CCSER1: variants seen among roughly 807,000 people sequenced by gnomAD.
CCSER1 encodes coiled-coil serine rich protein 1, also known as serine-rich coiled-coil domain-containing protein 1.
In CCSER1, 41 loss-of-function variants were observed where a neutral mutation model predicts 82.0. The observed-to-expected ratio is 0.50, with a 90% confidence interval of 0.39 to 0.65. CCSER1 has a LOEUF of 0.65. CCSER1 is among the 30% of genes least tolerant of loss of function. CCSER1 has a pLI of 0.00. For missense variants in CCSER1, 1,119 were observed against 1,064.2 expected, an observed-to-expected ratio of 1.05 and a Z score of -0.72; for synonymous variants, 414 against 383.9, an observed-to-expected ratio of 1.08 and a Z score of -0.92.
chr4:90,176,688 T>A (rs1475831247), intron 1 of CCSER1, among the ~76,000 whole-genome samples: 1 of 152,026 alleles, frequency 6.6e-6, no homozygotes, highest in Non-Finnish European at 1.5e-5. Context: ...CAAGTATTAT[T>A]GATAGTGTGA....
intron 8 of CCSER1, among the ~76,000 whole-genome samples, chr4:90,845,679 T>A (rs1036570928): frequency 1.1e-4 from 17 of 152,164 alleles, no homozygotes; most frequent in Non-Finnish European, 2.4e-4. Flanking sequence ...AATTCAGGAT[T>A]CATATTAAAT....
intron 8 of CCSER1, among the ~76,000 whole-genome samples, chr4:90,845,817 A>T (rs562458524): frequency 2.0e-5 from 3 of 152,186 alleles, no homozygotes; most frequent in African/African-American, 7.2e-5. Flanking sequence ...GAAAAAAAAA[A>T]AAACCAGATT....
At chr4:91,087,927 G>T (rs1186148815) in intron 10 of CCSER1, among the ~76,000 whole-genome samples, 1 of 152,118 alleles carries the variant, frequency 6.6e-6, no homozygotes, top group East Asian at 1.9e-4. Flanking sequence ...ACAATTAGGT[G>T]AAGTATGTTG....
At chr4:91,339,330 A>T (rs973852045) in intron 10 of CCSER1, among the ~76,000 whole-genome samples, 1 of 152,182 alleles carries the variant, frequency 6.6e-6, no homozygotes, top group Non-Finnish European at 1.5e-5. Flanking sequence ...ACATTAATAA[A>T]GTTGAAAGAT....
intron 10 of CCSER1, among the ~76,000 whole-genome samples, chr4:91,297,238 T>TA (rs34754865): frequency 1.3e-5 from 2 of 151,846 alleles, no homozygotes; most frequent in African/African-American, 4.8e-5. Context: ...GTTATGTTTG[T>TA]AAAAAAGACA....
chr4:91,298,866 C>T (rs1283236601), intron 10 of CCSER1, among the ~76,000 whole-genome samples: 1 of 151,884 alleles, frequency 6.6e-6, no homozygotes, highest in African/African-American at 2.4e-5. Context: ...CTACATAGTT[C>T]CCAAAACCCA....
chr4:91,167,759 G>C (rs1231064925), intron 10 of CCSER1, among the ~76,000 whole-genome samples: 3 of 152,140 alleles, frequency 2.0e-5, no homozygotes, highest in Admixed American at 1.3e-4. Flanking sequence ...GTGGAGCCTA[G>C]GTTAAAATTT....
intron 5 of CCSER1, among the ~76,000 whole-genome samples, chr4:90,487,705 G>C (rs1045899440): frequency 6.6e-6 from 1 of 152,190 alleles, no homozygotes; most frequent in Non-Finnish European, 1.5e-5. Flanking sequence ...GAGTGCAGTG[G>C]CACAATCTCG....
At chr4:90,256,728 C>T (rs1723357188) in intron 1 of CCSER1, among the ~76,000 whole-genome samples, 1 of 152,048 alleles carries the variant, frequency 6.6e-6, no homozygotes, top group African/African-American at 2.4e-5. Flanking sequence ...AAAAGTGGGT[C>T]ACTGATCATT....
chr4:90,837,895 C>G (rs73834563), intron 8 of CCSER1, among the ~76,000 whole-genome samples: 4,869 of 152,118 alleles, frequency 0.032, 267 homozygotes, highest in African/African-American at 0.11. Flanking sequence ...TTAAGGCAAC[C>G]ATAAGATAGA....
chr4:91,515,450 A>T (rs1760054936), intron 10 of CCSER1, among the ~76,000 whole-genome samples: 1 of 152,172 alleles, frequency 6.6e-6, no homozygotes, highest in Admixed American at 6.6e-5. Context: ...TAAGGACAAC[A>T]GGCAGTATTT....
intron 2 of CCSER1, among the ~76,000 whole-genome samples, chr4:90,311,364 A>C (rs924852089): frequency 2.0e-5 from 3 of 151,938 alleles, no homozygotes; most frequent in Non-Finnish European, 4.4e-5. Flanking sequence ...CTTGGAGACT[A>C]TTACTATGTT....
chr4:90,532,920 T>G (rs935621998), intron 5 of CCSER1, among the ~76,000 whole-genome samples: 4 of 152,096 alleles, frequency 2.6e-5, no homozygotes, highest in Non-Finnish European at 5.9e-5. Flanking sequence ...CACTTTAGAT[T>G]GTACTCCCTC....
chr4:91,510,274 T>G (rs2110113651), intron 10 of CCSER1, among the ~76,000 whole-genome samples: 1 of 152,334 alleles, frequency 6.6e-6, no homozygotes, highest in South Asian at 2.1e-4. Flanking sequence ...CTTAGCTCGA[T>G]TCCCTATCTT....
intron 6 of CCSER1, among the ~76,000 whole-genome samples, chr4:90,697,528 A>T (rs145087238): frequency 1.5e-3 from 226 of 151,166 alleles, no homozygotes; most frequent in African/African-American, 3.8e-3. Flanking sequence ...GAAATTATTT[A>T]AAAAAAAACA....
chr4:91,539,727 T>C (rs1309025269), intron 10 of CCSER1, among the ~76,000 whole-genome samples: 1 of 152,070 alleles, frequency 6.6e-6, no homozygotes, highest in African/African-American at 2.4e-5. Context: ...ATTTTAAGCT[T>C]TATTCTTTCT....
chr4:90,993,582 A>G (rs1481957556), intron 9 of CCSER1, among the ~76,000 whole-genome samples: 1 of 152,102 alleles, frequency 6.6e-6, no homozygotes, highest in Non-Finnish European at 1.5e-5. Context: ...GGCTTAAACA[A>G]CAAACATTTA....
chr4:90,563,300 C>T (rs555712232), intron 5 of CCSER1, among the ~76,000 whole-genome samples: 21 of 152,062 alleles, frequency 1.4e-4, no homozygotes, highest in African/African-American at 5.1e-4. Flanking sequence ...TTAATAGAGA[C>T]AGGGTTTCAC....
At chr4:91,149,739 C>A (rs1032604285) in intron 10 of CCSER1, among the ~76,000 whole-genome samples, 1 of 152,126 alleles carries the variant, frequency 6.6e-6, no homozygotes, top group African/African-American at 2.4e-5. Flanking sequence ...ATAGGGAATC[C>A]TTTCCCCATT....
Sources: gnomAD v4.1 joint callset for allele counts (sites outside exome capture counted in the v4.1 genomes callset) on GRCh38, gnomAD v4.1.1 for gene constraint, MANE v1.5 for transcripts, NCBI Gene and HGNC (gene_info 2026-07-23, HGNC 2026-07-21) for gene names.